Variants in SF3A1 observed in about 807,000 individuals in gnomAD.
The protein encoded by SF3A1 is SAP 114.
SF3A1 carries 13 observed loss-of-function variants against 89.9 expected under a neutral mutation model. The ratio of observed to expected loss-of-function variants is 0.14; its 90% CI spans 0.09 to 0.23. SF3A1 has a LOEUF of 0.23. Among genes scored for constraint, SF3A1 ranks in the 10% least tolerant of loss-of-function variants. The probability of loss-of-function intolerance (pLI) is 1.00; values close to 1 mark genes in which losing one functional copy is unlikely to be tolerated. For missense variants in SF3A1, 604 were observed against 1,022.1 expected, an observed-to-expected ratio of 0.59 and a Z score of 5.58; for synonymous variants, 405 against 374.4, an observed-to-expected ratio of 1.08 and a Z score of -0.94.
intron 7 of SF3A1, 46 bp from the exon 8 acceptor site, chr22:30,340,858 C>A: frequency 9.1e-7 from 1 of 1,097,612 alleles, no homozygotes; most frequent in Non-Finnish European, 1.4e-6. Context: ...GCTGAGGCCA[C>A]CTCCCTGTAG....
chr22:30,354,057 T>C (rs1481250925), intron 1 of SF3A1, among the ~76,000 whole-genome samples: 2 of 152,226 alleles, frequency 1.3e-5, no homozygotes, highest in Non-Finnish European at 2.9e-5. Flanking sequence ...CAACATTCAA[T>C]GCTCAAGTGT....
intron 2 of SF3A1, chr22:30,352,698 T>C (rs1299468560): frequency 2.8e-6 from 1 of 355,426 alleles, no homozygotes; most frequent in Non-Finnish European, 5.2e-6. Flanking sequence ...TTTCCAGGCA[T>C]TTCCTCAGGC....
In SF3A1 at chr22:30,334,514, G is replaced by C. The variant is rs1931007493; in HGVS notation, c.*80C>G. On this transcript the variant is annotated 3_prime_UTR_variant, in exon 16 of 16. Coordinates refer to ENST00000215793, the MANE Select transcript of SF3A1 (RefSeq NM_005877.6). ...AATATGCAGGCAAGGCAAAGCCTCA[G>C]GGGGGCTCCTGGGTCTGGGGCAGGG... 1.2e-6 allele frequency: 1 copy of C among 844,708 alleles called. No individual in the cohort carries two copies. The highest frequency in any genetic ancestry group is 1.8e-6 in the Non-Finnish European group (1 of 541,326). 52.3% of individuals were successfully genotyped at this position (844,708 alleles called of 1,614,324 possible).
Position 30,341,782 on chromosome 22 carries a change from G to C in SF3A1, c.981C>G (p.Val327=), listed in dbSNP as rs34244534. Residue 327 remains valine, a synonymous_variant, in exon 7 of 16, where the codon GTC becomes GTG. Transcript: ENST00000215793. ...GTTTGTCATCCTCCTCATCAGACTC[G>C]ACCTCCATCTCAACTTCCTCACTCT... ...FGESEEVEME[V]ESDEEDDKQE... is the part of the protein sequence containing the mutation. 6.2e-7 allele frequency: 1 copy of C among 1,613,834 alleles called. No individual in the cohort carries two copies. The highest frequency in any genetic ancestry group is 8.5e-7 in the Non-Finnish European group (1 of 1,179,936).
intron 1 of SF3A1, 46 bp from the exon 2 acceptor site, chr22:30,353,118 G>A: frequency 1.2e-6 from 2 of 1,605,168 alleles, no homozygotes; most frequent in South Asian, 2.2e-5. Flanking sequence ...CCCTGGTTCA[G>A]AGCAGGTTCT....
chr22:30,351,670 T>C (rs1193045976), intron 2 of SF3A1, among the ~76,000 whole-genome samples: 1 of 152,172 alleles, frequency 6.6e-6, no homozygotes, highest in East Asian at 1.9e-4. Flanking sequence ...CCAGATAACT[T>C]TTTATTTTTT....
intron 3 of SF3A1, among the ~76,000 whole-genome samples, chr22:30,345,987 C>G (rs1931406416): frequency 1.3e-5 from 2 of 152,110 alleles, no homozygotes; most frequent in Non-Finnish European, 2.9e-5. Flanking sequence ...CCTCACATCA[C>G]GGCACTGCCC....
Position 30,342,138 on chromosome 22 carries a change from C to G in SF3A1, c.877+62G>C, listed in dbSNP as rs1931278692. ...TACTGCTCTCTGGGAACACCTGCAC[C>G]AGGTTTCCCGGGAAGTCTGAGTTCC... is the stretch of plus-strand genomic sequence containing the variant. On this transcript the variant is annotated intron_variant, in intron 6 of 15. Transcript: ENST00000215793. 4 of 1,581,938 alleles carry G rather than the reference C, an allele frequency of 2.5e-6. No individual in the cohort carries two copies. The South Asian group carries it at 4.4e-5, about 18-fold the overall frequency.
intron 3 of SF3A1, 119 bp from the exon 4 acceptor site, chr22:30,345,309 T>A: frequency 1.1e-6 from 1 of 919,304 alleles, no homozygotes; most frequent in Non-Finnish European, 1.7e-6. Flanking sequence ...TCTAGACTTC[T>A]GTTAATTATG....
chr22:30,343,993 C>A (rs1931343259), intron 4 of SF3A1, among the ~76,000 whole-genome samples: 1 of 152,230 alleles, frequency 6.6e-6, no homozygotes, highest in African/African-American at 2.4e-5. Flanking sequence ...AGGAAAACAA[C>A]CTCCATGACA....
At chr22:30,343,466 A>T (rs768807017) in intron 4 of SF3A1, among the ~76,000 whole-genome samples, 1 of 152,182 alleles carries the variant, frequency 6.6e-6, no homozygotes, top group Non-Finnish European at 1.5e-5. Flanking sequence ...TTACTGAGAG[A>T]ACAAATGCTG....
At chr22:30,346,567 G>T (rs1230529554) in intron 2 of SF3A1, 48 bp from the exon 3 acceptor site, 1 of 1,601,406 alleles carries the variant, frequency 6.2e-7, no homozygotes, top group Non-Finnish European at 8.5e-7. Flanking sequence ...CCTTGTGCCT[G>T]CTGTGATCTA....
At chr22:30,353,105 A>G (rs1049346870) in intron 1 of SF3A1, 33 bp from the exon 2 acceptor site, 1 of 1,611,290 alleles carries the variant, frequency 6.2e-7, no homozygotes, top group Non-Finnish European at 8.5e-7. Context: ...AAGGTTTTAA[A>G]GTCCCTGGTT....
At chr22:30,356,541 A>G in intron 1 of SF3A1, 189 bp downstream of exon 1, 2 of 429,638 alleles carry the variant, frequency 4.7e-6, no homozygotes, top group East Asian at 7.1e-5. Context: ...TCCGCGGACC[A>G]CTTAGAGAAT....
chr22:30,341,861 G>T lies in SF3A1; in HGVS notation c.902C>A (p.Pro301Gln). Residue 301 changes from proline (P) to glutamine (Q), a missense_variant, in exon 7 of 16, where the codon CCA becomes CAA. Physicochemically the swap from Pro to Gln is moderately conservative, Grantham distance 76. Coordinates refer to ENST00000215793, the MANE Select transcript of SF3A1 (RefSeq NM_005877.6). ...EQGNFPPPTT[P>Q]EELGARILIQ... ...GAGGATTCGGGCCCCCAGCTCCTCT[G>T]GCGTGGTGGGGGGAGGGAAGTTCCC... is the stretch of plus-strand genomic sequence containing the variant. 6.2e-7 allele frequency: 1 copy of T among 1,613,352 alleles called. No homozygotes were observed. Among genetic ancestry groups the T allele is most frequent in the East Asian group, 2.2e-5 (1 of 44,882 alleles).
intron 8 of SF3A1, 71 bp from the exon 9 acceptor site, chr22:30,340,452 T>G: frequency 1.4e-6 from 2 of 1,446,710 alleles, no homozygotes; most frequent in Non-Finnish European, 1.9e-6. Flanking sequence ...TGGTATTTCA[T>G]GCGTGCATCA....
chr22:30,355,358 G>C (rs2145827637), intron 1 of SF3A1, among the ~76,000 whole-genome samples: 1 of 152,308 alleles, frequency 6.6e-6, no homozygotes, highest in South Asian at 2.1e-4. Context: ...CTGAGAGATG[G>C]AGAGCTTAAT....
intron 13 of SF3A1, among the ~76,000 whole-genome samples, chr22:30,336,607 C>G (rs1472485513): frequency 1.3e-5 from 2 of 152,182 alleles, no homozygotes; most frequent in Non-Finnish European, 1.5e-5. Context: ...AGGACCCCAA[C>G]AGGATCCCAC....
chr22:30,346,648 T>C, intron 2 of SF3A1, 129 bp from the exon 3 acceptor site: 1 of 983,636 alleles, frequency 1.0e-6, no homozygotes, highest in Non-Finnish European at 1.5e-6. Flanking sequence ...TCAGCAGACG[T>C]CCTCCTCTAG....
Sources: allele counts gnomAD v4.1 joint callset (sites outside exome capture counted in the v4.1 genomes callset), GRCh38; gene constraint gnomAD v4.1.1; transcripts MANE v1.5; gene names NCBI Gene and HGNC (gene_info 2026-07-23, HGNC 2026-07-21).